KCNQ5: variants seen among roughly 807,000 people sequenced by gnomAD.
KCNQ5 encodes potassium voltage-gated channel subfamily Q member 5.
Under a neutral mutation model 98.2 loss-of-function variants are expected in KCNQ5, and 30 were observed. That is an observed-to-expected ratio of 0.31 (90% CI 0.23 to 0.41). The LOEUF is 0.41. KCNQ5 is among the 10% of genes least tolerant of loss of function. The pLI is 1.00. For synonymous variants in KCNQ5, 458 were observed against 449.4 expected, an observed-to-expected ratio of 1.02 and a Z score of -0.24; for missense variants, 835 against 1,182.5, an observed-to-expected ratio of 0.71 and a Z score of 4.31.
At chr6:73,073,881 A>G (rs894038106) in intron 3 of KCNQ5, among the ~76,000 whole-genome samples, 1 of 152,226 alleles carries the variant, frequency 6.6e-6, no homozygotes, top group African/African-American at 2.4e-5. Context: ...ATATATATGC[A>G]TATACTTTAA....
chr6:72,878,036 C>T (rs547292126), intron 1 of KCNQ5, among the ~76,000 whole-genome samples: 6 of 152,264 alleles, frequency 3.9e-5, no homozygotes, highest in African/African-American at 9.6e-5. Flanking sequence ...TTTGGGAGGC[C>T]GAGGCAGGTG....
At chr6:72,990,319 C>A (rs1769030772) in intron 1 of KCNQ5, among the ~76,000 whole-genome samples, 2 of 61,454 alleles carry the variant, frequency 3.3e-5, no homozygotes, top group Non-Finnish European at 6.3e-5. Flanking sequence ...TGTTTGTGTC[C>A]TCTTTTATTT....
chr6:72,722,875 C>T (rs1163130979), intron 1 of KCNQ5, among the ~76,000 whole-genome samples: 19 of 131,722 alleles, frequency 1.4e-4, no homozygotes, highest in African/African-American at 3.5e-4. Flanking sequence ...TTTTGAGACA[C>T]GTCTCTTTCT....
intron 2 of KCNQ5, among the ~76,000 whole-genome samples, chr6:73,024,079 T>C (rs1387410227): frequency 5.9e-5 from 9 of 152,182 alleles, no homozygotes; most frequent in Admixed American, 5.2e-4. Context: ...GGGCCAATCA[T>C]AATTGCCTCT....
At chr6:72,652,575 T>C (rs1765931674) in intron 1 of KCNQ5, among the ~76,000 whole-genome samples, 1 of 152,010 alleles carries the variant, frequency 6.6e-6, no homozygotes, top group Admixed American at 6.6e-5. Context: ...CTGTTCCCTT[T>C]CTTATCTAAC....
intron 10 of KCNQ5, among the ~76,000 whole-genome samples, chr6:73,164,534 T>C (rs1034393323): frequency 4.6e-5 from 7 of 152,210 alleles, no homozygotes; most frequent in African/African-American, 1.4e-4. Flanking sequence ...GAGTCTCTTA[T>C]TGGGGTACAG....
At chr6:72,747,094 AT>A (rs946428186) in intron 1 of KCNQ5, among the ~76,000 whole-genome samples, 7 of 152,238 alleles carry the variant, frequency 4.6e-5, no homozygotes, top group African/African-American at 9.6e-5. Context: ...AGGAAAAAAA[AT>A]GTATTTGTTT....
intron 1 of KCNQ5, among the ~76,000 whole-genome samples, chr6:72,695,177 A>G (rs1053729917): frequency 2.0e-5 from 3 of 152,100 alleles, no homozygotes; most frequent in African/African-American, 4.8e-5. Flanking sequence ...TTGTACATAT[A>G]CCTCTCTATA....
intron 1 of KCNQ5, among the ~76,000 whole-genome samples, chr6:72,784,209 C>T (rs1231304606): frequency 6.6e-6 from 1 of 152,164 alleles, no homozygotes; most frequent in Non-Finnish European, 1.5e-5. Flanking sequence ...TGTGAAGGAG[C>T]TGCATGTGTT....
chr6:72,681,184 C>T (rs893078832), intron 1 of KCNQ5, among the ~76,000 whole-genome samples: 4 of 152,118 alleles, frequency 2.6e-5, no homozygotes, highest in African/African-American at 4.8e-5. Flanking sequence ...ACATTGAGGA[C>T]GTGAGAAGAA....
intron 1 of KCNQ5, among the ~76,000 whole-genome samples, chr6:72,856,475 C>T (rs1020250352): frequency 1.4e-3 from 200 of 146,390 alleles, no homozygotes; most frequent in African/African-American, 4.6e-3. Context: ...CATATATACA[C>T]ACACACACAC....
At chr6:72,763,453 T>C (rs1329111982) in intron 1 of KCNQ5, among the ~76,000 whole-genome samples, 3 of 152,082 alleles carry the variant, frequency 2.0e-5, no homozygotes, top group Non-Finnish European at 2.9e-5. Flanking sequence ...AAATTTCCAG[T>C]GTTTCTCCAT....
intron 1 of KCNQ5, among the ~76,000 whole-genome samples, chr6:72,698,134 C>T (rs1010124673): frequency 6.6e-6 from 1 of 152,100 alleles, no homozygotes. Context: ...TCAGTAGCTT[C>T]AGAATAAAGT....
chr6:73,114,683 T>C (rs1272716363), intron 7 of KCNQ5, among the ~76,000 whole-genome samples: 2 of 152,200 alleles, frequency 1.3e-5, no homozygotes, highest in Admixed American at 6.5e-5. Context: ...TAGGAGGAGC[T>C]AGGACTCAAA....
intron 1 of KCNQ5, among the ~76,000 whole-genome samples, chr6:72,954,558 T>TGG (rs1398705378): frequency 6.6e-6 from 1 of 151,710 alleles, no homozygotes; most frequent in African/African-American, 2.4e-5. Context: ...TGTGTGTGTG[T>TGG]GTGTGTTGAT....
chr6:72,624,371 GTAT>G (rs1372246582), intron 1 of KCNQ5, among the ~76,000 whole-genome samples: 1 of 152,132 alleles, frequency 6.6e-6, no homozygotes, highest in African/African-American at 2.4e-5. Flanking sequence ...CTTTACAACA[GTAT>G]GCTCAAAACA....
intron 1 of KCNQ5, among the ~76,000 whole-genome samples, chr6:72,754,624 A>G (rs1771863288): frequency 1.3e-5 from 2 of 152,150 alleles, no homozygotes; most frequent in African/African-American, 2.4e-5. Flanking sequence ...AAGAATTATC[A>G]GGCCCCAATG....
At chr6:72,679,098 A>G (rs1767563290) in intron 1 of KCNQ5, among the ~76,000 whole-genome samples, 1 of 152,142 alleles carries the variant, frequency 6.6e-6, no homozygotes, top group African/African-American at 2.4e-5. Context: ...ACTTGCAGAG[A>G]ATGTTTGTTT....
At chr6:73,058,236 C>T (rs554548491) in intron 3 of KCNQ5, among the ~76,000 whole-genome samples, 9 of 152,182 alleles carry the variant, frequency 5.9e-5, no homozygotes, top group South Asian at 2.1e-4. Flanking sequence ...CACGGTGAAA[C>T]GCCATCTCTA....
Sources: gnomAD v4.1 joint callset for allele counts (sites outside exome capture counted in the v4.1 genomes callset) on GRCh38, gnomAD v4.1.1 for gene constraint, MANE v1.5 for transcripts, NCBI Gene and HGNC (gene_info 2026-07-23, HGNC 2026-07-21) for gene names.